The following SSBP2 variants were observed in gnomAD, a reference collection of about 807,000 sequenced individuals.
The protein encoded by SSBP2 is single-stranded DNA-binding protein 2.
Under a neutral mutation model 61.8 loss-of-function variants are expected in SSBP2, and 17 were observed. That is an observed-to-expected ratio of 0.28 (90% CI 0.19 to 0.41). SSBP2 has a LOEUF of 0.41. Ranked by LOEUF, SSBP2 falls within the 10% of genes least tolerant of loss-of-function variation. The probability of loss-of-function intolerance (pLI) is 1.00; values close to 1 mark genes in which losing one functional copy is unlikely to be tolerated. For missense variants in SSBP2, 310 were observed against 458.7 expected (o/e 0.68, Z 2.96); for synonymous variants, 139 against 141.3 (o/e 0.98, Z 0.12).
chr5:81,539,490 A>G (rs1771078365), intron 4 of SSBP2, among the ~76,000 whole-genome samples: 1 of 152,218 alleles, frequency 6.6e-6, no homozygotes, highest in African/African-American at 2.4e-5. Flanking sequence ...AACTGACTCC[A>G]ATTTTGAAGT....
In SSBP2 at chr5:81,575,564, A is replaced by C. The variant is rs1232312000; in HGVS notation, c.282+39909T>G. ...TGGGAGGTAGGAAAAGGATGGTAGGAAGAAAAAATTCAAACTAACATAAGA... is the reference window on the plus strand; with the variant it reads ...TGGGAGGTAGGAAAAGGATGGTAGGCAGAAAAAATTCAAACTAACATAAGA... On this transcript the variant is annotated intron_variant, in intron 4 of 16. Coordinates refer to ENST00000320672, the MANE Select transcript of SSBP2 (RefSeq NM_012446.5). Among the ~76,000 whole-genome samples the C allele has an allele frequency of 2.6e-5, 4 of 152,266 alleles. No homozygotes were observed. The South Asian group carries it at 8.3e-4, about 32-fold the overall frequency.
chr5:81,466,135 C>A (rs1400047595), intron 9 of SSBP2, among the ~76,000 whole-genome samples: 1 of 151,934 alleles, frequency 6.6e-6, no homozygotes, highest in African/African-American at 2.4e-5. Flanking sequence ...ACCCACAAAC[C>A]TATATGGAAC....
At chr5:81,667,255 G>C (rs1417467320) in intron 1 of SSBP2, among the ~76,000 whole-genome samples, 1 of 150,418 alleles carries the variant, frequency 6.6e-6, no homozygotes, top group Non-Finnish European at 1.5e-5. Flanking sequence ...TGGAATTTAT[G>C]AGGCAGAGTA....
At chr5:81,698,550 G>A (rs540943792) in intron 1 of SSBP2, among the ~76,000 whole-genome samples, 1 of 152,272 alleles carries the variant, frequency 6.6e-6, no homozygotes, top group African/African-American at 2.4e-5. Context: ...GGTGGCTCAC[G>A]CCTATAATCC....
At chr5:81,558,179 C>T (rs1772752187) in intron 4 of SSBP2, among the ~76,000 whole-genome samples, 1 of 152,204 alleles carries the variant, frequency 6.6e-6, no homozygotes, top group Non-Finnish European at 1.5e-5. Context: ...AAGCACCTCT[C>T]ATACTTCATT....
chr5:81,453,093 G>C (rs2153983436), intron 10 of SSBP2, among the ~76,000 whole-genome samples: 1 of 152,170 alleles, frequency 6.6e-6, no homozygotes, highest in East Asian at 1.9e-4. Flanking sequence ...CCAGGAGTTT[G>C]AGACGAACCT....
Position 81,501,275 on chromosome 5 carries a change from A to C in SSBP2, c.373-11966T>G, listed in dbSNP as rs566769093. On this transcript the variant is annotated intron_variant, in intron 5 of 16. Coordinates refer to ENST00000320672, the MANE Select transcript of SSBP2 (RefSeq NM_012446.5). The stretch of plus-strand genomic sequence containing the variant: ...TATATATATATATATATATACACAC[A>C]CACACACATGCACATACACCCACAC... 8.9e-3 allele frequency among the ~76,000 whole-genome samples: 1,082 copies of C among 120,952 alleles called. 28 individuals carry two copies. Among genetic ancestry groups the C allele is most frequent in the Middle Eastern group, 0.044 (11 of 250 alleles). 79.3% of individuals were successfully genotyped at this position (120,952 alleles called of 152,430 possible). A position where few individuals can be genotyped will look rare whatever the true frequency, so the allele number is the denominator to read the frequency against.
chr5:81,538,327 T>C (rs1455985155), intron 4 of SSBP2, among the ~76,000 whole-genome samples: 1 of 152,112 alleles, frequency 6.6e-6, no homozygotes, highest in East Asian at 1.9e-4. Context: ...AATTGAGTGG[T>C]AAGAGAGCAG....
chr5:81,649,814 GAAGAGA>G (rs1195495682), intron 2 of SSBP2, among the ~76,000 whole-genome samples: 8 of 151,476 alleles, frequency 5.3e-5, no homozygotes, highest in Non-Finnish European at 2.9e-5. Context: ...TGAAGGTGGA[GAAGAGA>G]AAGAGAAGAA....
chr5:81,625,885 CA>C (rs1226232625), intron 3 of SSBP2, among the ~76,000 whole-genome samples: 4 of 152,078 alleles, frequency 2.6e-5, no homozygotes, highest in Non-Finnish European at 5.9e-5. Context: ...TACCCGACAA[CA>C]AAAATTTTTT....
chr5:81,481,692 C>A (rs756865642), intron 6 of SSBP2, among the ~76,000 whole-genome samples: 5 of 150,244 alleles, frequency 3.3e-5, no homozygotes, highest in Non-Finnish European at 7.4e-5. Context: ...TGTTGTGTTA[C>A]CTTATACCCA....
At position 81,417,807 on chromosome 5, in the gene SSBP2, T is replaced by C. The variant is rs1434269044; in HGVS notation, c.*2697A>G. 1.3e-5 allele frequency: 2 copies of C among 152,162 alleles called. No homozygotes were observed. The highest frequency in any genetic ancestry group is 3.9e-4 in the East Asian group (2 of 5,188). The allele number at this position is 152,162 out of a possible 1,614,324, so 9.4% of individuals were successfully genotyped here. A position where few individuals can be genotyped will look rare whatever the true frequency, so the allele number is the denominator to read the frequency against. On this transcript the variant is annotated 3_prime_UTR_variant, in exon 17 of 17. Coordinates refer to ENST00000320672, the MANE Select transcript of SSBP2 (RefSeq NM_012446.5). ...AATTTTTCAACTATTTCAGGAAATT[T>C]TTAAATCTAAAATAACTCTTTTTAA... is the stretch of plus-strand genomic sequence containing the variant.
chr5:81,474,406 T>G, intron 7 of SSBP2, 90 bp downstream of exon 7: 6 of 1,128,242 alleles, frequency 5.3e-6, no homozygotes, highest in Non-Finnish European at 7.9e-6. Flanking sequence ...TATAGGAGAT[T>G]TACTTATACA....
intron 4 of SSBP2, among the ~76,000 whole-genome samples, chr5:81,586,236 A>G (rs977089974): frequency 1.3e-4 from 20 of 152,256 alleles, no homozygotes; most frequent in Middle Eastern, 3.4e-3. Flanking sequence ...TTCCATAATG[A>G]CTGTACTAAT....
chr5:81,549,508 T>C (rs1580994280), intron 4 of SSBP2, among the ~76,000 whole-genome samples: 1 of 152,212 alleles, frequency 6.6e-6, no homozygotes, highest in African/African-American at 2.4e-5. Flanking sequence ...ACTTGTGTTA[T>C]TGTATATGCA....
At chr5:81,500,629 T>A (rs1453814128) in intron 5 of SSBP2, among the ~76,000 whole-genome samples, 2 of 152,010 alleles carry the variant, frequency 1.3e-5, no homozygotes, top group Admixed American at 6.6e-5. Context: ...CCCAGCTAAT[T>A]TTTGTATTTT....
At chr5:81,495,738 TAA>T (rs545911723) in intron 5 of SSBP2, among the ~76,000 whole-genome samples, 39 of 152,334 alleles carry the variant, frequency 2.6e-4, no homozygotes, top group African/African-American at 8.4e-4. Flanking sequence ...TAGCAATATA[TAA>T]GTCACCTTAT....
rs1766566830 is a variant in SSBP2, at chr5:81,488,069, T to TATTATATATATGTGGTGTGTGTGTGTATA, written c.432+1180_432+1181insTATACACACACACACCACATATATATAAT. On this transcript the variant is annotated intron_variant, in intron 6 of 16. Transcript: ENST00000320672. The stretch of plus-strand genomic sequence containing the variant: ...TATATATATATATATAAATAAAATA[T>TATTATATATATGTGGTGTGTGTGTGTATA]CATATATTATATATATACACACACA... 4.8e-4 allele frequency among the ~76,000 whole-genome samples: 44 copies of TATTATATATATGTGGTGTGTGTGTGTATA among 92,250 alleles called. 6 individuals are homozygous for TATTATATATATGTGGTGTGTGTGTGTATA. The highest frequency in any genetic ancestry group is 9.7e-4 in the Non-Finnish European group (38 of 39,000). The allele number at this position is 92,250 out of a possible 152,430, so 60.5% of individuals were successfully genotyped here.
chr5:81,550,924 G>A (rs1222535630), intron 4 of SSBP2, among the ~76,000 whole-genome samples: 5 of 151,942 alleles, frequency 3.3e-5, no homozygotes, highest in South Asian at 2.1e-4. Context: ...ATGAAACCCC[G>A]TCTCTACTAA....
Sources: gnomAD v4.1 joint callset for allele counts (sites outside exome capture counted in the v4.1 genomes callset) on GRCh38, gnomAD v4.1.1 for gene constraint, MANE v1.5 for transcripts, NCBI Gene and HGNC (gene_info 2026-07-23, HGNC 2026-07-21) for gene names.